The following TNFSF4 variants were observed in gnomAD, a reference collection of about 807,000 sequenced individuals.
The protein encoded by TNFSF4 is tumor necrosis factor ligand superfamily member 4.
In TNFSF4, 4 loss-of-function variants were observed where a neutral mutation model predicts 7.3. That is an observed-to-expected ratio of 0.55 (90% CI 0.27 to 1.25). TNFSF4 has a LOEUF of 1.25. Among genes scored for constraint, TNFSF4 ranks in the 50% most tolerant of loss-of-function variants. The probability of loss-of-function intolerance (pLI) is 0.12; values close to 1 mark genes in which losing one functional copy is unlikely to be tolerated. For missense variants in TNFSF4, 181 were observed against 208.8 expected (o/e 0.87, Z 0.82); for synonymous variants, 76 against 83.7 (o/e 0.91, Z 0.50).
At chr1:173,346,234 C>A in the TNFSF4 span, among the ~76,000 whole-genome samples, 1 of 152,134 alleles carries the variant, frequency 6.6e-6, no homozygotes, top group Non-Finnish European at 1.5e-5. Flanking sequence ...TGAACATCAT[C>A]AGAAATACAT....
the TNFSF4 span, chr1:173,362,871 G>T: frequency 6.4e-6 from 3 of 472,348 alleles, no homozygotes; most frequent in Admixed American, 2.4e-5. Flanking sequence ...AAGACTTGTG[G>T]ACTTCCCAGC....
chr1:173,400,663 G>A, the TNFSF4 span, among the ~76,000 whole-genome samples: 2 of 152,176 alleles, frequency 1.3e-5, no homozygotes, highest in African/African-American at 4.8e-5. Flanking sequence ...ACTCCCAAGG[G>A]AAAATGAACT....
chr1:173,318,552 C>T, the TNFSF4 span, among the ~76,000 whole-genome samples: 1 of 152,082 alleles, frequency 6.6e-6, no homozygotes, highest in Admixed American at 6.6e-5. Flanking sequence ...ACAAAATATA[C>T]TTTTCAAATT....
the TNFSF4 span, among the ~76,000 whole-genome samples, chr1:173,359,386 G>T: frequency 3.5e-5 from 5 of 144,122 alleles, 1 homozygote; most frequent in East Asian, 2.0e-4. Flanking sequence ...GGAATAAAAA[G>T]ATTTTAAAAC....
At chr1:173,312,856 G>C in the TNFSF4 span, among the ~76,000 whole-genome samples, 1 of 152,074 alleles carries the variant, frequency 6.6e-6, no homozygotes, top group African/African-American at 2.4e-5. Context: ...CCTGCTACAC[G>C]TGGATCCAGG....
chr1:173,192,254 C>T (rs1649520344), intron 1 of TNFSF4, among the ~76,000 whole-genome samples: 1 of 152,194 alleles, frequency 6.6e-6, no homozygotes, highest in African/African-American at 2.4e-5. Context: ...TTTAAAGTCA[C>T]TCATTCACAA....
chr1:173,368,576 C>G, the TNFSF4 span, among the ~76,000 whole-genome samples: 1 of 152,198 alleles, frequency 6.6e-6, no homozygotes, highest in African/African-American at 2.4e-5. Flanking sequence ...AAAGGGCTCT[C>G]TAACCATCCC....
chr1:173,185,776 CTCT>C lies in TNFSF4; in HGVS notation c.*737_*739del, dbSNP rs2101979293. The C allele has an allele frequency of 6.6e-6, 1 of 152,334 alleles. No individual in the cohort carries two copies. Among genetic ancestry groups the C allele is most frequent in the Non-Finnish European group, 1.5e-5 (1 of 68,036 alleles). 9.4% of individuals were successfully genotyped at this position (152,334 alleles called of 1,614,324 possible). On this transcript the variant is annotated 3_prime_UTR_variant, in exon 3 of 3. Transcript: ENST00000281834. ...ACTCTCCCTGTATACAAGAAAATCT[CTCT>C]TAAGTCACTGATTAGATTTTTCAAA...
the TNFSF4 span, chr1:173,363,879 C>T: frequency 6.5e-6 from 1 of 152,864 alleles, no homozygotes; most frequent in Admixed American, 6.5e-5. Context: ...GCTTAGAAAC[C>T]CCTGCCACAC....
chr1:173,385,935 G>C, the TNFSF4 span, among the ~76,000 whole-genome samples: 5 of 152,210 alleles, frequency 3.3e-5, no homozygotes, highest in Admixed American at 2.6e-4. Flanking sequence ...GAATGAAAAG[G>C]TGTATTAGGA....
the TNFSF4 span, among the ~76,000 whole-genome samples, chr1:173,377,313 C>G: frequency 6.6e-6 from 1 of 152,300 alleles, no homozygotes; most frequent in African/African-American, 2.4e-5. Context: ...ACTAGCATGG[C>G]CACTGGACTA....
At chr1:173,233,877 A>G in the TNFSF4 span, among the ~76,000 whole-genome samples, 68 of 152,346 alleles carry the variant, frequency 4.5e-4, no homozygotes, top group East Asian at 0.012. Flanking sequence ...CATTCAGGAC[A>G]TAGGCATGGG....
chr1:173,446,481 G>T, the TNFSF4 span, among the ~76,000 whole-genome samples: 1 of 152,194 alleles, frequency 6.6e-6, no homozygotes, highest in Admixed American at 6.6e-5. Flanking sequence ...GTGTGTAATG[G>T]TTAATACTGA....
the TNFSF4 span, among the ~76,000 whole-genome samples, chr1:173,367,212 CT>C: frequency 6.6e-6 from 1 of 152,222 alleles, no homozygotes; most frequent in African/African-American, 2.4e-5. Flanking sequence ...ACTGCAAGGA[CT>C]TTCCACAGAG....
the TNFSF4 span, among the ~76,000 whole-genome samples, chr1:173,237,682 T>C: frequency 2.6e-5 from 4 of 152,202 alleles, no homozygotes; most frequent in Non-Finnish European, 4.4e-5. Context: ...ATAAAATGCC[T>C]AGTAATACAG....
chr1:173,280,204 G>A, the TNFSF4 span, among the ~76,000 whole-genome samples: 1 of 152,018 alleles, frequency 6.6e-6, no homozygotes, highest in African/African-American at 2.4e-5. Flanking sequence ...TGTCTCCCAT[G>A]TCTACTCTTC....
At chr1:173,222,460 G>T in the TNFSF4 span, among the ~76,000 whole-genome samples, 2 of 152,198 alleles carry the variant, frequency 1.3e-5, no homozygotes, top group African/African-American at 2.4e-5. Flanking sequence ...AAGGCCAAAG[G>T]TTGGGAGTAT....
the TNFSF4 span, among the ~76,000 whole-genome samples, chr1:173,347,465 G>C: frequency 6.6e-6 from 1 of 152,200 alleles, no homozygotes; most frequent in Non-Finnish European, 1.5e-5. Context: ...CACTGGGAAT[G>C]AGACAGTCTT....
chr1:173,283,583 T>C, the TNFSF4 span, among the ~76,000 whole-genome samples: 1 of 152,102 alleles, frequency 6.6e-6, no homozygotes, highest in Non-Finnish European at 1.5e-5. Context: ...CTATTGAAAC[T>C]ACCTTACAAA....
Sources: gnomAD v4.1 joint callset for allele counts (sites outside exome capture counted in the v4.1 genomes callset) on GRCh38, gnomAD v4.1.1 for gene constraint, MANE v1.5 for transcripts, NCBI Gene and HGNC (gene_info 2026-07-23, HGNC 2026-07-21) for gene names.